The following DIAPH2 variants were observed in gnomAD, a reference collection of about 807,000 sequenced individuals.
DIAPH2 encodes diaphanous related formin 2, also known as protein diaphanous homolog 2.
In DIAPH2, 35 loss-of-function variants were observed where a neutral mutation model predicts 92.7. That is an observed-to-expected ratio of 0.38 (90% CI 0.29 to 0.50). The LOEUF (loss-of-function observed/expected upper bound fraction) is 0.50, where lower values mean the gene tolerates loss of function less well. Ranked by LOEUF, DIAPH2 falls within the 20% of genes least tolerant of loss-of-function variation. The pLI is 0.94. For missense variants in DIAPH2, 701 were observed against 819.5 expected, an observed-to-expected ratio of 0.86 and a Z score of 1.77; for synonymous variants, 301 against 280.4, an observed-to-expected ratio of 1.07 and a Z score of -0.73.
chrX:96,888,599 A>G (rs776601903), intron 5 of DIAPH2, among the ~76,000 whole-genome samples: 61 of 100,972 alleles, frequency 6.0e-4, no homozygotes, highest in African/African-American at 2.2e-3. Flanking sequence ...ATACAGATAT[A>G]TATATCTATA....
chrX:97,287,723 T>TAA lies in DIAPH2; in HGVS notation c.2844+39900_2844+39901dup, dbSNP rs746109496. Among the ~76,000 whole-genome samples, 9 of 86,229 alleles carry TAA rather than the reference T, an allele frequency of 1.0e-4. No homozygotes were observed. In the East Asian group the frequency reaches 1.0e-3, roughly 10 times the overall value. 74.9% of individuals were successfully genotyped at this position (86,229 alleles called of 115,157 possible). ...AAAGAAGTTTTAAAAGTCAATTATT[T>TAA]AAAAAAAAAAAAAAAAAGTAAAGAA... On this transcript the variant is annotated intron_variant, in intron 23 of 26. Transcript: ENST00000324765.
chrX:97,542,238 A>T (rs973564897), intron 26 of DIAPH2, among the ~76,000 whole-genome samples: 1 of 112,011 alleles, frequency 8.9e-6, no homozygotes, highest in South Asian at 3.7e-4. Context: ...GTGGTAAGTT[A>T]TGTCAACCTC....
chrX:97,382,918 A>G (rs1281501771), intron 24 of DIAPH2, among the ~76,000 whole-genome samples: 1 of 112,352 alleles, frequency 8.9e-6, no homozygotes, highest in Non-Finnish European at 1.9e-5. Context: ...CTGGAACAAA[A>G]TAGTTTTTGT....
intron 26 of DIAPH2, among the ~76,000 whole-genome samples, chrX:97,588,181 A>G (rs754643470): frequency 8.9e-6 from 1 of 112,399 alleles, no homozygotes; most frequent in Non-Finnish European, 1.9e-5. Flanking sequence ...ACGAATAAGG[A>G]AACTGCTGTT....
intron 23 of DIAPH2, among the ~76,000 whole-genome samples, chrX:97,307,338 C>A (rs1602495691): frequency 8.9e-6 from 1 of 111,832 alleles, no homozygotes. Context: ...ATTTGGCAAA[C>A]CAGTTGTACC....
intron 24 of DIAPH2, among the ~76,000 whole-genome samples, chrX:97,376,615 C>T (rs2069503453): frequency 8.9e-6 from 1 of 111,901 alleles, no homozygotes; most frequent in Admixed American, 9.5e-5. Context: ...TTTTATGTGC[C>T]AGGCACTGTT....
intron 25 of DIAPH2, among the ~76,000 whole-genome samples, chrX:97,405,412 G>A (rs376601017): frequency 3.6e-5 from 4 of 111,530 alleles, no homozygotes; most frequent in South Asian, 7.5e-4. Context: ...GTGAAAAATT[G>A]ACAACATCTC....
At chrX:96,885,206 C>T in intron 5 of DIAPH2, 1 of 628,963 alleles carries the variant, frequency 1.6e-6, no homozygotes, top group Non-Finnish European at 2.4e-6. Context: ...TCTCAAGTGG[C>T]ATTCTTTGTC....
At chrX:97,235,949 A>G (rs1380424246) in intron 22 of DIAPH2, among the ~76,000 whole-genome samples, 3 of 112,142 alleles carry the variant, frequency 2.7e-5, no homozygotes, top group East Asian at 5.6e-4. Context: ...ATTTCAGGGC[A>G]TATAGTAATC....
In DIAPH2 at chrX:97,601,156, C is replaced by CAA. The variant is rs895817362; in HGVS notation, c.*1841_*1842dup. 17 of 111,509 alleles carry CAA rather than the reference C, an allele frequency of 1.5e-4. No homozygotes were observed. Among genetic ancestry groups the CAA allele is most frequent in the Admixed American group, 2.9e-4 (3 of 10,510 alleles). The allele number at this position is 111,509 out of a possible 1,213,427, so 9.2% of individuals were successfully genotyped here. On this transcript the variant is annotated 3_prime_UTR_variant, in exon 27 of 27. Coordinates refer to ENST00000324765, the MANE Select transcript of DIAPH2 (RefSeq NM_006729.5). The stretch of plus-strand genomic sequence containing the variant: ...CCTAGTATGTGTATTTTTGACTTTA[C>CAA]AAAGTCTTTCTTTTCTGAAATCTTC...
At chrX:97,032,348 G>A (rs997701523) in intron 17 of DIAPH2, among the ~76,000 whole-genome samples, 1 of 110,856 alleles carries the variant, frequency 9.0e-6, no homozygotes, top group Non-Finnish European at 1.9e-5. Context: ...TCTATATAGA[G>A]AAAAAGTACA....
At chrX:97,075,945 A>G (rs1438831397) in intron 19 of DIAPH2, among the ~76,000 whole-genome samples, 1 of 112,105 alleles carries the variant, frequency 8.9e-6, no homozygotes, top group Non-Finnish European at 1.9e-5. Context: ...CTGTTATATT[A>G]TTCTGCTTTC....
intron 22 of DIAPH2, among the ~76,000 whole-genome samples, chrX:97,205,008 A>G (rs1226072906): frequency 1.8e-5 from 2 of 110,908 alleles, no homozygotes; most frequent in Non-Finnish European, 3.8e-5. Context: ...GAGACCTCAC[A>G]GTGTAACCCC....
At chrX:96,741,071 A>C (rs1301937792) in intron 3 of DIAPH2, among the ~76,000 whole-genome samples, 1 of 108,846 alleles carries the variant, frequency 9.2e-6, no homozygotes, top group African/African-American at 3.3e-5. Context: ...CTGTCTTGCT[A>C]CCTATCACCA....
intron 17 of DIAPH2, among the ~76,000 whole-genome samples, chrX:96,995,420 A>G (rs919322352): frequency 1.3e-4 from 14 of 111,840 alleles, no homozygotes; most frequent in African/African-American, 3.9e-4. Flanking sequence ...GCAGCTGGAG[A>G]TGTTCAGCAA....
intron 23 of DIAPH2, among the ~76,000 whole-genome samples, chrX:97,274,685 C>T (rs1343791995): frequency 2.0e-5 from 2 of 101,593 alleles, no homozygotes; most frequent in African/African-American, 3.6e-5. Context: ...GGGTGTTTCT[C>T]GTATAGGGGG....
At chrX:97,192,355 C>T (rs2067662351) in intron 22 of DIAPH2, among the ~76,000 whole-genome samples, 2 of 109,191 alleles carry the variant, frequency 1.8e-5, no homozygotes, top group South Asian at 4.0e-4. Context: ...TAGAAGTTCT[C>T]TTTATCTCTA....
In DIAPH2 at chrX:97,390,208, C is replaced by CTTTTTTTTTT. The variant is rs142044871; in HGVS notation, c.3145+6184_3145+6193dup. On this transcript the variant is annotated intron_variant, in intron 25 of 26. Coordinates refer to ENST00000324765, the MANE Select transcript of DIAPH2 (RefSeq NM_006729.5). The stretch of plus-strand genomic sequence containing the variant: ...GTTTATCTTTTTCCCTGCTTTCTGT[C>CTTTTTTTTTT]TTTTTTTTTTTTTTTTTTTTTTTTT... Among the ~76,000 whole-genome samples, 26 of 33,188 alleles carry CTTTTTTTTTT rather than the reference C, an allele frequency of 7.8e-4. 1 individual carries two copies. Among genetic ancestry groups the CTTTTTTTTTT allele is most frequent in the Admixed American group, 1.3e-3 (2 of 1,584 alleles). 28.8% of individuals were successfully genotyped at this position (33,188 alleles called of 115,157 possible). A position where few individuals can be genotyped will look rare whatever the true frequency, so the allele number is the denominator to read the frequency against.
chrX:96,836,698 T>TATATATATATACATAC (rs1556227167), intron 4 of DIAPH2, among the ~76,000 whole-genome samples: 1 of 19,484 alleles, frequency 5.1e-5, no homozygotes, highest in African/African-American at 2.3e-4. Context: ...TATATATATA[T>TATATATATATACATAC]ATATATATAT....
Sources: gnomAD v4.1 joint callset for allele counts (sites outside exome capture counted in the v4.1 genomes callset) on GRCh38, gnomAD v4.1.1 for gene constraint, MANE v1.5 for transcripts, NCBI Gene and HGNC (gene_info 2026-07-23, HGNC 2026-07-21) for gene names.